The following ZBTB47 variants were observed in gnomAD, a reference collection of about 807,000 sequenced individuals.
ZBTB47 encodes the protein zinc finger and BTB domain containing 47.
ZBTB47 carries 24 observed loss-of-function variants against 56.6 expected under a neutral mutation model. The observed-to-expected ratio is 0.42, with a 90% CI of 0.31 to 0.60. The LOEUF (loss-of-function observed/expected upper bound fraction) is 0.60. Ranked by LOEUF, ZBTB47 falls within the 20% of genes least tolerant of loss-of-function variation. The pLI is 0.14. For missense variants in ZBTB47, 829 were observed against 1,032.6 expected (o/e 0.80, Z 2.70); for synonymous variants, 414 against 418.9 (o/e 0.99, Z 0.14).
At chr3:42,661,410 C>A in intron 2 of ZBTB47, 75 bp from the exon 3 acceptor site, 2 of 1,527,754 alleles carry the variant, frequency 1.3e-6, no homozygotes, top group Middle Eastern at 2.3e-4. Context: ...TGAGGCCAGA[C>A]GGGGGCAGTA....
In ZBTB47 at chr3:42,663,974, CG is replaced by C. The variant is rs1000822976; in HGVS notation, c.1882+36del. 2.5e-6 allele frequency: 4 copies of C among 1,589,586 alleles called. No homozygotes were observed. In the African/African-American group the frequency reaches 5.4e-5, roughly 21 times the overall value. ...TGCCCCTGGGGACGGAGCTCGGTGC[CG>C]GGCCTGGGACCCCTTCTCAGCCCCG... On this transcript the variant is annotated intron_variant, in intron 5 of 5. Coordinates refer to ENST00000232974, the MANE Select transcript of ZBTB47 (RefSeq NM_145166.4). The surrounding 1 kb of genome is among the most constrained non-coding windows in gnomAD (Gnocchi z 5.1).
chr3:42,664,044 C>T (rs1710753179), intron 5 of ZBTB47, 103 bp downstream of exon 5: 2 of 1,484,366 alleles, frequency 1.3e-6, no homozygotes, highest in Non-Finnish European at 1.8e-6. Flanking sequence ...CTTCTCAAGT[C>T]TGGGCCTCCG....
At position 42,665,975 on chromosome 3, in the gene ZBTB47, A is replaced by C. The variant is rs1164419641; in HGVS notation, c.*1377A>C. 2.0e-5 allele frequency: 3 copies of C among 152,668 alleles called. No homozygotes were observed. Among genetic ancestry groups the C allele is most frequent in the African/African-American group, 4.8e-5 (2 of 41,450 alleles). 9.5% of individuals were successfully genotyped at this position (152,668 alleles called of 1,614,324 possible). ...TTGTTTGTTATACTCTTTGCACCTT[A>C]AACCCCCACCACTCCCCGACACTAT... On this transcript the variant is annotated 3_prime_UTR_variant, in exon 6 of 6. Coordinates refer to ENST00000232974, the MANE Select transcript of ZBTB47 (RefSeq NM_145166.4).
chr3:42,653,629 T>TGTCC (rs1211399717), upstream of ZBTB47: 3 of 152,420 alleles, frequency 2.0e-5, no homozygotes, highest in African/African-American at 7.2e-5. Flanking sequence ...CCCCCACGGG[T>TGTCC]GTCCATGCCA....
rs966077632 is a variant in ZBTB47, at chr3:42,666,512, G to C, written c.*1914G>C. Among the ~76,000 whole-genome samples, 1 of 152,156 alleles carries C rather than the reference G, an allele frequency of 6.6e-6. No homozygotes were observed. Among genetic ancestry groups the C allele is most frequent in the Non-Finnish European group, 1.5e-5 (1 of 68,030 alleles). Reference sequence around the variant, plus strand: ...TAATCTCTAGTCCCAGTGCCTGGCAGCTCTTTGGAGCTGGCTCACATTTTC... The same window carrying C: ...TAATCTCTAGTCCCAGTGCCTGGCACCTCTTTGGAGCTGGCTCACATTTTC... On this transcript the variant is annotated 3_prime_UTR_variant, in exon 6 of 6. Coordinates refer to ENST00000232974, the MANE Select transcript of ZBTB47 (RefSeq NM_145166.4).
rs1345627066 is a variant in ZBTB47, at chr3:42,659,953, G to T, written c.1473+125G>T. The T allele has an allele frequency of 7.4e-6, 10 of 1,359,878 alleles. No homozygotes were observed. The East Asian group carries it at 1.3e-4, about 18-fold the overall frequency. The allele number at this position is 1,359,878 out of a possible 1,614,324, so 84.2% of individuals were successfully genotyped here. A position where few individuals can be genotyped will look rare whatever the true frequency, so the allele number is the denominator to read the frequency against. ...AGGTGGTCTGCGGAGACCAGACTTA[G>T]CCCCCAGACAGGCTGGCCCAGGCCC... is the stretch of plus-strand genomic sequence containing the variant. On this transcript the variant is annotated intron_variant, in intron 2 of 5. Coordinates refer to ENST00000232974, the MANE Select transcript of ZBTB47 (RefSeq NM_145166.4).
In ZBTB47 at chr3:42,659,523, AC is replaced by A; in HGVS notation, c.1172del (p.Pro391LeufsTer38). 1 of 1,551,740 alleles carries A rather than the reference AC, an allele frequency of 6.4e-7. No homozygotes were observed. The highest frequency in any genetic ancestry group is 8.7e-7 in the Non-Finnish European group (1 of 1,151,416). On this transcript the variant is annotated frameshift_variant, in exon 2 of 6. Transcript: ENST00000232974. LOFTEE classifies it high-confidence loss of function. The part of the protein sequence containing the change: ...RSRENARRRG[T>X]PEPEEAGRRG... ...CCGGGAGAACGCCCGGCGCCGGGGT[AC>A]CCCTGAACCTGAAGAAGCTGGGCGG...
At chr3:42,655,952 T>C (rs1164238183) in intron 1 of ZBTB47, among the ~76,000 whole-genome samples, 1 of 152,184 alleles carries the variant, frequency 6.6e-6, no homozygotes, top group Non-Finnish European at 1.5e-5. Context: ...AAAGTGCACA[T>C]GGGAAGGTTG....
Position 42,663,218 on chromosome 3 carries a change from G to C in ZBTB47, c.1737+91G>C. 1.0e-6 allele frequency: 1 copy of C among 975,410 alleles called. No individual in the cohort carries two copies. The highest frequency in any genetic ancestry group is 1.6e-6 in the Non-Finnish European group (1 of 612,430). 60.4% of individuals were successfully genotyped at this position (975,410 alleles called of 1,614,324 possible). ...GCAGCTGCTGAAAAACAAAGGGCTAGGGGGTGGAATGTAGTGTCCAGAAAG... is the reference window on the plus strand; with the variant it reads ...GCAGCTGCTGAAAAACAAAGGGCTACGGGGTGGAATGTAGTGTCCAGAAAG... On this transcript the variant is annotated intron_variant, in intron 4 of 5. Coordinates refer to ENST00000232974, the MANE Select transcript of ZBTB47 (RefSeq NM_145166.4). The surrounding 1 kb of genome is among the most constrained non-coding windows in gnomAD (Gnocchi z 5.1).
rs1405998729 is a variant in ZBTB47, at chr3:42,659,412, G to A, written c.1057G>A (p.Gly353Arg). ...CTCTGAGGAGGAGGAGGGGGAGGAGGGGGAGGCTGGGGGCAAGCAGGGGCC... is the reference window on the plus strand; with the variant it reads ...CTCTGAGGAGGAGGAGGGGGAGGAGAGGGAGGCTGGGGGCAAGCAGGGGCC... The part of the protein sequence containing the change: ...ESSEEEEGEE[G>R]EAGGKQGPRG... The change falls in exon 2 of 6, where the codon GGG (glycine) becomes AGG (arginine). Residue 353 changes from glycine to arginine, a missense_variant. This residue lies in a region of ZBTB47 where 359 missense variants were observed against 359.8 expected (regional missense o/e 1.00). Transcript: ENST00000232974. The A allele has an allele frequency of 7.0e-7, 1 of 1,438,602 alleles. No individual in the cohort carries two copies. Among genetic ancestry groups the A allele is most frequent in the East Asian group, 2.5e-5 (1 of 40,340 alleles). 89.1% of individuals were successfully genotyped at this position (1,438,602 alleles called of 1,614,324 possible). A position where few individuals can be genotyped will look rare whatever the true frequency, so the allele number is the denominator to read the frequency against.
At chr3:42,664,004 A>C in intron 5 of ZBTB47, 63 bp downstream of exon 5, 2 of 1,544,140 alleles carry the variant, frequency 1.3e-6, no homozygotes, top group South Asian at 1.2e-5. Context: ...AGCCCCGCTC[A>C]GGACACCTGG....
rs550598792 is a variant in ZBTB47, at chr3:42,654,828, C to T, written c.-82+945C>T. The stretch of plus-strand genomic sequence containing the variant: ...CCCTCCCCCGGTCTCCCGGCTCCAT[C>T]TGCTGGGTCCCGCGGGCCGGGAATG... On this transcript the variant is annotated intron_variant, in intron 1 of 5. Coordinates refer to ENST00000232974, the MANE Select transcript of ZBTB47 (RefSeq NM_145166.4). The surrounding 1 kb of genome is among the most constrained non-coding windows in gnomAD (Gnocchi z 5.0). The T allele has an allele frequency of 2.1e-6, 1 of 474,894 alleles. No individual in the cohort carries two copies. Among genetic ancestry groups the T allele is most frequent in the African/African-American group, 2.1e-5 (1 of 47,578 alleles). The allele number at this position is 474,894 out of a possible 1,614,324, so 29.4% of individuals were successfully genotyped here.
rs1227022570 is a variant in ZBTB47 at position 42,658,363 on chromosome 3, G to A, written c.8G>A (p.Arg3His). The A allele has an allele frequency of 3.9e-6, 6 of 1,532,884 alleles. No individual in the cohort carries two copies. Among genetic ancestry groups the A allele is most frequent in the South Asian group, 2.4e-5 (2 of 83,894 alleles). 95.0% of individuals were successfully genotyped at this position (1,532,884 alleles called of 1,614,324 possible). A position where few individuals can be genotyped will look rare whatever the true frequency, so the allele number is the denominator to read the frequency against. The change falls in exon 2 of 6, where the codon CGC becomes CAC. Residue 3 changes from arginine (R) to histidine (H), a missense_variant. Physicochemically the swap from Arg to His is conservative, Grantham distance 29. Transcript: ENST00000232974. Reference sequence around the variant, plus strand: ...CTGCACTTTGCCTGCTTGATGGGCCGCCTGAACGAGCAGCGCCTCTTCCAG... The same window carrying A: ...CTGCACTTTGCCTGCTTGATGGGCCACCTGAACGAGCAGCGCCTCTTCCAG... MG[R>H]LNEQRLFQPD... is the part of the protein sequence containing the mutation.
chr3:42,658,848 G>A lies in ZBTB47; in HGVS notation c.493G>A (p.Val165Met), dbSNP rs1314992740. 1.8e-5 allele frequency: 28 copies of A among 1,532,210 alleles called. No homozygotes were observed. The highest frequency in any genetic ancestry group is 2.1e-5 in the Non-Finnish European group (24 of 1,144,766). The allele number at this position is 1,532,210 out of a possible 1,614,324, so 94.9% of individuals were successfully genotyped here. ...CCGCGAGGGCCCTGACCCTTACTCGGTGCGTGTTGAGGACGGGGCAGGGAC... is the reference window on the plus strand; with the variant it reads ...CCGCGAGGGCCCTGACCCTTACTCGATGCGTGTTGAGGACGGGGCAGGGAC... ...YAREGPDPYS[V>M]RVEDGAGTAG... Residue 165 changes from valine to methionine, a missense_variant, in exon 2 of 6, where the codon GTG becomes ATG. By Grantham distance (21) the Val-to-Met change is conservative. Around this residue, in one of 6 missense-constraint regions of ZBTB47, gnomAD observed 359 missense variants for 359.8 expected, o/e 1.00. Transcript: ENST00000232974.
rs917716083 is a variant in ZBTB47, at chr3:42,664,524, C to T, written c.2170C>T (p.Pro724Ser). Reference protein sequence around the residue: ...PGLPQTLPPPPHLPPPPPLFP... With the variant: ...PGLPQTLPPPSHLPPPPPLFP... ...GCTGCCCCAGACCCTGCCGCCCCCG[C>T]CCCACCTGCCGCCCCCGCCTCCGCT... Residue 724 changes from proline to serine, a missense_variant, in exon 6 of 6, where the codon CCC becomes TCC. By Grantham distance (74) the Pro-to-Ser change is moderately conservative. This residue lies in a region of ZBTB47 where 115 missense variants were observed against 117.2 expected (regional missense o/e 0.98). Coordinates refer to ENST00000232974, the MANE Select transcript of ZBTB47 (RefSeq NM_145166.4). The T allele has an allele frequency of 7.1e-7, 1 of 1,412,658 alleles. No homozygotes were observed. The highest frequency in any genetic ancestry group is 9.1e-7 in the Non-Finnish European group (1 of 1,093,418). The allele number at this position is 1,412,658 out of a possible 1,614,324, so 87.5% of individuals were successfully genotyped here. A position where few individuals can be genotyped will look rare whatever the true frequency, so the allele number is the denominator to read the frequency against.
Position 42,659,894 on chromosome 3 carries a change from C to T in ZBTB47, c.1473+66C>T, listed in dbSNP as rs1005120761. The T allele has an allele frequency of 3.3e-6, 5 of 1,497,134 alleles. No homozygotes were observed. The African/African-American group carries it at 6.9e-5, about 21-fold the overall frequency. 92.7% of individuals were successfully genotyped at this position (1,497,134 alleles called of 1,614,324 possible). ...GGTGGGGCTAGGCCATAACTGGGCT[C>T]TGGGCACCTAGTGTCTTGCTGACTG... On this transcript the variant is annotated intron_variant, in intron 2 of 5. Transcript: ENST00000232974.
chr3:42,664,906 G>A lies in ZBTB47; in HGVS notation c.*308G>A, dbSNP rs1287095730. 3 of 229,286 alleles carry A rather than the reference G, an allele frequency of 1.3e-5. No individual in the cohort carries two copies. The highest frequency in any genetic ancestry group is 6.8e-5 in the African/African-American group (3 of 43,944). The allele number at this position is 229,286 out of a possible 1,614,324, so 14.2% of individuals were successfully genotyped here. ...TTTACAGCACTCCCCTCCAGGTGAG[G>A]GGGGTGCTGGGGGTCTGCAGCAGAA... On this transcript the variant is annotated 3_prime_UTR_variant, in exon 6 of 6. Transcript: ENST00000232974.
intron 2 of ZBTB47, 108 bp downstream of exon 2, chr3:42,659,936 T>G: frequency 7.1e-7 from 1 of 1,409,670 alleles, no homozygotes; most frequent in South Asian, 1.5e-5. Flanking sequence ...CTAGGTGGTC[T>G]GCGGAGACCA....
In ZBTB47 at chr3:42,654,687, G is replaced by T; in HGVS notation, c.-82+804G>T. 5 of 984,940 alleles carry T rather than the reference G, an allele frequency of 5.1e-6. No individual in the cohort carries two copies. The highest frequency in any genetic ancestry group is 6.0e-6 in the Non-Finnish European group (5 of 829,726). 61.0% of individuals were successfully genotyped at this position (984,940 alleles called of 1,614,324 possible). A position where few individuals can be genotyped will look rare whatever the true frequency, so the allele number is the denominator to read the frequency against. ...GGGCCCTGTGAGCCCCCAGCGCCAC[G>T]GCACCATGGTACGCAGGGCCCTGCC... On this transcript the variant is annotated intron_variant, in intron 1 of 5. Transcript: ENST00000232974. The surrounding 1 kb of genome is among the most constrained non-coding windows in gnomAD (Gnocchi z 5.0).
Sources: gnomAD v4.1 joint callset for allele counts (sites outside exome capture counted in the v4.1 genomes callset) on GRCh38, gnomAD v4.1.1 for gene constraint, gnomAD v4.1.1 regional missense constraint, Gnocchi (gnomAD v3.1) non-coding constraint, MANE v1.5 for transcripts, NCBI Gene and HGNC (gene_info 2026-07-23, HGNC 2026-07-21) for gene names.